The following SH3GL2 variants were observed in gnomAD, a reference collection of about 807,000 sequenced individuals.
SH3GL2 encodes endophilin-A1.
SH3GL2 carries 24 observed loss-of-function variants against 46.0 expected under a neutral mutation model. The observed-to-expected ratio is 0.52, with a 90% CI of 0.38 to 0.73. The LOEUF is 0.73. Ranked by LOEUF, SH3GL2 falls within the 30% of genes least tolerant of loss-of-function variation. The pLI, the probability that SH3GL2 is intolerant of heterozygous loss-of-function variation, is 0.00. For missense variants in SH3GL2, 413 were observed against 424.2 expected (o/e 0.97, Z 0.23); for synonymous variants, 196 against 147.1 (o/e 1.33, Z -2.40).
intron 2 of SH3GL2, among the ~76,000 whole-genome samples, chr9:17,759,686 G>A (rs1588309046): frequency 6.6e-6 from 1 of 152,176 alleles, no homozygotes; most frequent in African/African-American, 2.4e-5. Flanking sequence ...ATTAAGGACA[G>A]AGATGGGGGA....
chr9:17,620,818 AG>A (rs1819121539), intron 1 of SH3GL2, among the ~76,000 whole-genome samples: 1 of 152,202 alleles, frequency 6.6e-6, no homozygotes, highest in African/African-American at 2.4e-5. Flanking sequence ...CAGGAACAGT[AG>A]GAAAGAATGA....
At chr9:17,652,391 A>T (rs1369509454) in intron 1 of SH3GL2, among the ~76,000 whole-genome samples, 1 of 150,520 alleles carries the variant, frequency 6.6e-6, no homozygotes, top group Non-Finnish European at 1.5e-5. Flanking sequence ...CATCTTTTTT[A>T]TTGTTTCTAC....
chr9:17,748,542 A>T (rs938390464), intron 2 of SH3GL2, among the ~76,000 whole-genome samples: 6 of 152,044 alleles, frequency 3.9e-5, no homozygotes, highest in African/African-American at 1.4e-4. Context: ...ATTCCTAGGT[A>T]TTCATTAGTG....
chr9:17,674,343 T>C (rs886587519), intron 1 of SH3GL2, among the ~76,000 whole-genome samples: 1 of 152,182 alleles, frequency 6.6e-6, no homozygotes, highest in Admixed American at 6.5e-5. Flanking sequence ...CTCAGCTCAC[T>C]GAAACCTCCG....
chr9:17,699,038 T>C (rs1422856700), intron 1 of SH3GL2, among the ~76,000 whole-genome samples: 1 of 150,434 alleles, frequency 6.6e-6, no homozygotes, highest in Non-Finnish European at 1.5e-5. Context: ...GCCTGCAGTC[T>C]CAGCTACTTG....
chr9:17,747,399 A>G (rs912202409), intron 2 of SH3GL2, among the ~76,000 whole-genome samples: 9 of 152,176 alleles, frequency 5.9e-5, no homozygotes, highest in Non-Finnish European at 1.2e-4. Context: ...TCATCATTTT[A>G]AAAAAATAAG....
chr9:17,672,756 TA>T (rs1352795838), intron 1 of SH3GL2, among the ~76,000 whole-genome samples: 2 of 152,126 alleles, frequency 1.3e-5, no homozygotes, highest in Non-Finnish European at 2.9e-5. Context: ...CTCTCAGATA[TA>T]AATACATCTC....
At chr9:17,751,058 A>T (rs1216113409) in intron 2 of SH3GL2, among the ~76,000 whole-genome samples, 1 of 152,156 alleles carries the variant, frequency 6.6e-6, no homozygotes, top group African/African-American at 2.4e-5. Context: ...TAAGCTGAGG[A>T]ATATAGTATC....
At chr9:17,632,322 T>G (rs1305770770) in intron 1 of SH3GL2, among the ~76,000 whole-genome samples, 1 of 152,170 alleles carries the variant, frequency 6.6e-6, no homozygotes, top group Non-Finnish European at 1.5e-5. Flanking sequence ...TATTTTTAGT[T>G]TTGCATTTTC....
chr9:17,738,048 C>T (rs777068214), intron 1 of SH3GL2, among the ~76,000 whole-genome samples: 21 of 152,144 alleles, frequency 1.4e-4, no homozygotes, highest in Middle Eastern at 3.4e-3. Context: ...TGTATGTACA[C>T]CATTGTATTG....
chr9:17,719,150 G>C (rs1821831624), intron 1 of SH3GL2, among the ~76,000 whole-genome samples: 1 of 152,080 alleles, frequency 6.6e-6, no homozygotes, highest in Admixed American at 6.6e-5. Flanking sequence ...CTTCAGGAGG[G>C]TTGTTGTGAA....
chr9:17,604,851 C>A (rs969649900), intron 1 of SH3GL2, among the ~76,000 whole-genome samples: 1 of 152,082 alleles, frequency 6.6e-6, no homozygotes, highest in Admixed American at 6.5e-5. Flanking sequence ...CTTTCTAGGG[C>A]CTCCTGAGAA....
chr9:17,725,487 C>A (rs1324114221), intron 1 of SH3GL2, among the ~76,000 whole-genome samples: 1 of 152,086 alleles, frequency 6.6e-6, no homozygotes, highest in Non-Finnish European at 1.5e-5. Context: ...TGAACTTCTC[C>A]CCTCTTTGTT....
At chr9:17,654,510 C>A (rs1474390735) in intron 1 of SH3GL2, among the ~76,000 whole-genome samples, 1 of 152,144 alleles carries the variant, frequency 6.6e-6, no homozygotes, top group Non-Finnish European at 1.5e-5. Flanking sequence ...GAACTCTGTT[C>A]TGAGCCAATA....
chr9:17,740,269 A>G (rs1407653687), intron 1 of SH3GL2, among the ~76,000 whole-genome samples: 7 of 152,170 alleles, frequency 4.6e-5, no homozygotes, highest in Non-Finnish European at 1.0e-4. Context: ...CATGGCATTT[A>G]AGCATTCCAA....
At chr9:17,764,186 G>A (rs1385632779) in intron 3 of SH3GL2, among the ~76,000 whole-genome samples, 7 of 152,156 alleles carry the variant, frequency 4.6e-5, no homozygotes, top group East Asian at 1.9e-4. Context: ...GTATGGGCAG[G>A]CCACATACAT....
chr9:17,698,453 C>T (rs550314949), intron 1 of SH3GL2, among the ~76,000 whole-genome samples: 2 of 152,120 alleles, frequency 1.3e-5, no homozygotes, highest in South Asian at 2.1e-4. Context: ...TGGGAGACAG[C>T]CAGAAGAAAA....
At chr9:17,586,192 G>A (rs1296252718) in intron 1 of SH3GL2, among the ~76,000 whole-genome samples, 1 of 152,064 alleles carries the variant, frequency 6.6e-6, no homozygotes, top group Non-Finnish European at 1.5e-5. Context: ...TGCCAAATAT[G>A]ATGTTGTAGT....
At chr9:17,730,587 G>A (rs1190810952) in intron 1 of SH3GL2, among the ~76,000 whole-genome samples, 2 of 152,014 alleles carry the variant, frequency 1.3e-5, no homozygotes, top group East Asian at 3.9e-4. Flanking sequence ...TATGATATTG[G>A]CTGTGGGTTT....
Sources: allele counts gnomAD v4.1 joint callset (sites outside exome capture counted in the v4.1 genomes callset), GRCh38; gene constraint gnomAD v4.1.1; transcripts MANE v1.5; gene names NCBI Gene and HGNC (gene_info 2026-07-23, HGNC 2026-07-21).